The following JPT2 variants were observed in gnomAD, a reference collection of about 807,000 sequenced individuals.
JPT2 encodes the protein CRAMP_1 like.
A neutral mutation model predicts 15.9 loss-of-function variants in JPT2; 9 were observed. The ratio of observed to expected loss-of-function variants is 0.57; its 90% CI spans 0.34 to 0.99. The LOEUF (loss-of-function observed/expected upper bound fraction) is 0.99, where lower values mean the gene tolerates loss of function less well. Among genes scored for constraint, JPT2 ranks in the 50% least tolerant of loss-of-function variants. The pLI is 0.02. For missense variants in JPT2, 267 were observed against 252.1 expected (o/e 1.06, Z -0.40); for synonymous variants, 95 against 91.7 (o/e 1.04, Z -0.21).
intron 3 of JPT2, among the ~76,000 whole-genome samples, chr16:1,694,016 A>G (rs2037123519): frequency 2.6e-5 from 4 of 152,184 alleles, no homozygotes; most frequent in Admixed American, 1.3e-4. Flanking sequence ...CGTCACTGCG[A>G]AAGCGGGCAG....
intron 1 of JPT2, chr16:1,683,607 G>T: frequency 1.3e-6 from 2 of 1,532,280 alleles, no homozygotes; most frequent in African/African-American, 1.4e-5. Flanking sequence ...GCCAGCACAC[G>T]CTTGGTTTCT....
chr16:1,700,109 G>A lies in JPT2; in HGVS notation c.*1111G>A, dbSNP rs2037170924. 1 of 455,546 alleles carries A rather than the reference G, an allele frequency of 2.2e-6. No homozygotes were observed. Among genetic ancestry groups the A allele is most frequent in the South Asian group, 1.5e-5 (1 of 64,544 alleles). The allele number at this position is 455,546 out of a possible 1,614,324, so 28.2% of individuals were successfully genotyped here. A position where few individuals can be genotyped will look rare whatever the true frequency, so the allele number is the denominator to read the frequency against. On this transcript the variant is annotated 3_prime_UTR_variant, in exon 5 of 5. Transcript: ENST00000248098. The stretch of plus-strand genomic sequence containing the variant: ...ATTGTTCAGGTACACCAAAGAGGAA[G>A]AAGAGCTGTGGAGGCCACCCTCTAC...
intron 3 of JPT2, among the ~76,000 whole-genome samples, chr16:1,693,209 G>C (rs2037116392): frequency 6.6e-6 from 1 of 152,146 alleles, no homozygotes; most frequent in South Asian, 2.1e-4. Flanking sequence ...AAGCAATTCT[G>C]CCTCAGCGTC....
intron 3 of JPT2, among the ~76,000 whole-genome samples, chr16:1,694,697 T>C (rs2037128451): frequency 6.6e-6 from 1 of 152,128 alleles, no homozygotes; most frequent in Non-Finnish European, 1.5e-5. Context: ...GGGCTTTTTT[T>C]TTTTTCACAA....
intron 2 of JPT2, among the ~76,000 whole-genome samples, chr16:1,687,650 T>A (rs138661932): frequency 1.3e-5 from 2 of 152,338 alleles, no homozygotes; most frequent in African/African-American, 4.8e-5. Context: ...TGAGCCAGCC[T>A]CTACTCCTGG....
At chr16:1,683,776 G>A (rs1356932389) in intron 1 of JPT2, among the ~76,000 whole-genome samples, 1 of 152,162 alleles carries the variant, frequency 6.6e-6, no homozygotes, top group African/African-American at 2.4e-5. Context: ...TGTTATTTTT[G>A]TTAACCAAAC....
In JPT2 at chr16:1,699,041, A is replaced by G. The variant is rs199533017; in HGVS notation, c.*43A>G. ...CCCGGAGCCAGACCAGAAACTCAAGAGATAGGGTAGCCATGTTTTCATTTC... is the reference window on the plus strand; with the variant it reads ...CCCGGAGCCAGACCAGAAACTCAAGGGATAGGGTAGCCATGTTTTCATTTC... On this transcript the variant is annotated 3_prime_UTR_variant, in exon 5 of 5. Coordinates refer to ENST00000248098, the MANE Select transcript of JPT2 (RefSeq NM_144570.3). 1.8e-5 allele frequency: 29 copies of G among 1,584,494 alleles called. No homozygotes were observed. The African/African-American group carries it at 3.5e-4, about 19-fold the overall frequency.
At chr16:1,692,271 G>A (rs1033649563) in intron 3 of JPT2, 11 of 424,092 alleles carry the variant, frequency 2.6e-5, no homozygotes, top group Admixed American at 8.2e-5. Context: ...GCTGCGGGGC[G>A]CGGAGAAGCG....
chr16:1,687,886 C>T (rs566964619), intron 2 of JPT2, among the ~76,000 whole-genome samples: 16 of 152,298 alleles, frequency 1.1e-4, no homozygotes, highest in African/African-American at 3.6e-4. Flanking sequence ...AGACCTAGCC[C>T]CACAGCCCTC....
At chr16:1,684,772 G>T (rs1328783754) in intron 1 of JPT2, among the ~76,000 whole-genome samples, 2 of 152,032 alleles carry the variant, frequency 1.3e-5, no homozygotes, top group Non-Finnish European at 2.9e-5. Context: ...TTAGCCAGGT[G>T]TTGTGGCAGG....
intron 3 of JPT2, among the ~76,000 whole-genome samples, chr16:1,694,945 C>A (rs1391824329): frequency 6.6e-6 from 1 of 152,096 alleles, no homozygotes; most frequent in Non-Finnish European, 1.5e-5. Context: ...AGATATGACA[C>A]CAAAAACAGA....
chr16:1,697,142 A>C (rs1456872406), intron 3 of JPT2, among the ~76,000 whole-genome samples: 1 of 152,226 alleles, frequency 6.6e-6, no homozygotes, highest in African/African-American at 2.4e-5. Flanking sequence ...TGGAGCATTG[A>C]CACACGCTAC....
intron 2 of JPT2, among the ~76,000 whole-genome samples, chr16:1,687,748 A>C (rs533103956): frequency 1.3e-5 from 2 of 152,056 alleles, no homozygotes; most frequent in African/African-American, 2.4e-5. Context: ...GAGTTTTCCT[A>C]TCTCTCCAGT....
At chr16:1,702,789 G>GCCT (rs2037187606), downstream of JPT2, among the ~76,000 whole-genome samples, 2 of 152,212 alleles carry the variant, frequency 1.3e-5, no homozygotes, top group Non-Finnish European at 2.9e-5. Context: ...GAACATCACA[G>GCCT]GGAACTGTGT....
chr16:1,698,785 T>A lies in JPT2; in HGVS notation c.386-26T>A. On this transcript the variant is annotated intron_variant, in intron 4 of 4. Coordinates refer to ENST00000248098, the MANE Select transcript of JPT2 (RefSeq NM_144570.3). This position sits in a 1 kb window ranked among gnomAD's most constrained non-coding sequence, Gnocchi z 4.9. ...GGGTCATGGGTTGCCTCTAATGGGA[T>A]GTTGTTCTAACTTTGTGTCCCACAG... 1 of 1,595,708 alleles carries A rather than the reference T, an allele frequency of 6.3e-7. No homozygotes were observed. The highest frequency in any genetic ancestry group is 8.5e-7 in the Non-Finnish European group (1 of 1,171,258).
chr16:1,699,799 C>G lies in JPT2; in HGVS notation c.*801C>G. 3.9e-6 allele frequency: 1 copy of G among 256,670 alleles called. No homozygotes were observed. Among genetic ancestry groups the G allele is most frequent in the Non-Finnish European group, 7.9e-6 (1 of 126,436 alleles). The allele number at this position is 256,670 out of a possible 1,614,324, so 15.9% of individuals were successfully genotyped here. On this transcript the variant is annotated 3_prime_UTR_variant, in exon 5 of 5. Coordinates refer to ENST00000248098, the MANE Select transcript of JPT2 (RefSeq NM_144570.3). ...GTTTGTTGTTCTCCAGTGATGTAGA[C>G]AGTTCCCTTCACAAGTCACAGTTCT... is the stretch of plus-strand genomic sequence containing the variant.
rs192687082 is a variant in JPT2 at position 1,695,357 on chromosome 16, A to G, written c.337-2455A>G. ...GAGGTGGAGGTTGCAGTGAGCTGAG[A>G]TCGTGCTATTGCACTCCAGCCTGGG... On this transcript the variant is annotated intron_variant, in intron 3 of 4. Transcript: ENST00000248098. Among the ~76,000 whole-genome samples, 552 of 151,414 alleles carry G rather than the reference A, an allele frequency of 3.6e-3. 1 individual carries two copies. Among genetic ancestry groups the G allele is most frequent in the Non-Finnish European group, 6.2e-3 (420 of 67,922 alleles).
Position 1,700,436 on chromosome 16 carries a change from A to C in JPT2, c.*1438A>C, listed in dbSNP as rs1324770150. The C allele has an allele frequency of 4.0e-6, 1 of 251,398 alleles. No individual in the cohort carries two copies. Among genetic ancestry groups the C allele is most frequent in the Admixed American group, 4.0e-5 (1 of 24,698 alleles). The allele number at this position is 251,398 out of a possible 1,614,324, so 15.6% of individuals were successfully genotyped here. A position where few individuals can be genotyped will look rare whatever the true frequency, so the allele number is the denominator to read the frequency against. Reference sequence around the variant, plus strand: ...CTTTGCTCTGAGTGCCTACAAAGCTAATGCTTGGTGCTAGAAACATCATCA... The same window carrying C: ...CTTTGCTCTGAGTGCCTACAAAGCTCATGCTTGGTGCTAGAAACATCATCA... On this transcript the variant is annotated 3_prime_UTR_variant, in exon 5 of 5. Coordinates refer to ENST00000248098, the MANE Select transcript of JPT2 (RefSeq NM_144570.3).
At chr16:1,683,487 T>TTC (rs35368796) in intron 1 of JPT2, 38 of 1,483,200 alleles carry the variant, frequency 2.6e-5, no homozygotes, top group Non-Finnish European at 3.1e-5. Context: ...TCTTTTTTTT[T>TTC]CTCCCTCCTC....
Sources: allele counts gnomAD v4.1 joint callset (sites outside exome capture counted in the v4.1 genomes callset), GRCh38; gene constraint gnomAD v4.1.1; non-coding constraint Gnocchi (gnomAD v3.1); transcripts MANE v1.5; gene names NCBI Gene and HGNC (gene_info 2026-07-23, HGNC 2026-07-21).